The following CHD1L variants were observed in gnomAD, a reference collection of about 807,000 sequenced individuals.
CHD1L encodes ATP-dependent chromatin remodeler CHD1L.
A neutral mutation model predicts 115.9 loss-of-function variants in CHD1L; 118 were observed. The observed-to-expected ratio is 1.02, with a 90% CI of 0.88 to 1.19. CHD1L has a LOEUF of 1.19. Ranked by LOEUF, CHD1L falls within the 50% of genes most tolerant of loss-of-function variation. The pLI, the probability that CHD1L is intolerant of heterozygous loss-of-function variation, is 0.00. For synonymous variants in CHD1L, 411 were observed against 387.1 expected, an observed-to-expected ratio of 1.06 and a Z score of -0.72; for missense variants, 1,179 against 1,065.3, an observed-to-expected ratio of 1.11 and a Z score of -1.49.
intron 19 of CHD1L, among the ~76,000 whole-genome samples, chr1:147,288,609 A>T (rs1684318941): frequency 6.6e-6 from 1 of 152,170 alleles, no homozygotes; most frequent in Non-Finnish European, 1.5e-5. Flanking sequence ...TGAACCTGGG[A>T]GGTGGAGGTT....
At chr1:147,263,578 CCTT>C (rs1422543257) in intron 6 of CHD1L, among the ~76,000 whole-genome samples, 2 of 152,170 alleles carry the variant, frequency 1.3e-5, no homozygotes, top group African/African-American at 4.8e-5. Flanking sequence ...TTTTTCCTGA[CCTT>C]CTACTTCATG....
At chr1:147,220,966 G>T in the CHD1L span, among the ~76,000 whole-genome samples, 1 of 151,040 alleles carries the variant, frequency 6.6e-6, no homozygotes, top group African/African-American at 2.4e-5. Context: ...AAAACAGTGG[G>T]TATAATGTGG....
the CHD1L span, among the ~76,000 whole-genome samples, chr1:147,216,414 T>TAATA: frequency 0.037 from 5,591 of 152,140 alleles, 143 homozygotes; most frequent in South Asian, 0.095. Flanking sequence ...TAACACTGAG[T>TAATA]AATAGTCTTT....
At chr1:147,279,986 C>T in intron 14 of CHD1L, 40 bp from the exon 15 acceptor site, 3 of 1,608,336 alleles carry the variant, frequency 1.9e-6, no homozygotes, top group Non-Finnish European at 2.6e-6. Context: ...TGTTTCTTTT[C>T]ATGAGAATTT....
the CHD1L span, among the ~76,000 whole-genome samples, chr1:147,180,861 T>C: frequency 6.6e-6 from 1 of 152,206 alleles, no homozygotes; most frequent in African/African-American, 2.4e-5. Flanking sequence ...TGCAGATTGC[T>C]GGTCTGTGTA....
the CHD1L span, among the ~76,000 whole-genome samples, chr1:147,180,355 G>A: frequency 9.9e-5 from 15 of 151,982 alleles, no homozygotes; most frequent in African/African-American, 1.7e-4. Flanking sequence ...TCATTGGCGC[G>A]ATCTCAGCTC....
At chr1:147,282,120 C>G (rs1301355820) in intron 15 of CHD1L, among the ~76,000 whole-genome samples, 1 of 152,194 alleles carries the variant, frequency 6.6e-6, no homozygotes, top group African/African-American at 2.4e-5. Context: ...ATCACATGTG[C>G]TGATGAAGTG....
chr1:147,184,093 T>C, the CHD1L span, among the ~76,000 whole-genome samples: 1 of 152,206 alleles, frequency 6.6e-6, no homozygotes, highest in Non-Finnish European at 1.5e-5. This position sits in a 1 kb window ranked among gnomAD's most constrained non-coding sequence, Gnocchi z 4.4. Context: ...TAAAGCAACT[T>C]AATTTGTGGA....
the CHD1L span, chr1:147,216,077 T>G: frequency 1.6e-6 from 1 of 622,892 alleles, no homozygotes; most frequent in Non-Finnish European, 2.8e-6. Context: ...ATTTGTGCCC[T>G]TATGTAGTCC....
the CHD1L span, among the ~76,000 whole-genome samples, chr1:147,195,571 T>A: frequency 6.6e-6 from 1 of 152,150 alleles, no homozygotes; most frequent in Non-Finnish European, 1.5e-5. Flanking sequence ...TAAATTTAAG[T>A]AAGATGCACA....
the CHD1L span, among the ~76,000 whole-genome samples, chr1:147,231,301 A>G: frequency 2.0e-5 from 3 of 152,126 alleles, no homozygotes; most frequent in African/African-American, 7.2e-5. Context: ...TTCAGTTTCC[A>G]TGTAGTGGAG....
the CHD1L span, among the ~76,000 whole-genome samples, chr1:147,190,544 G>A: frequency 1.4e-3 from 207 of 152,234 alleles, 1 homozygote; most frequent in African/African-American, 4.7e-3. Context: ...ATATGGACAT[G>A]AGAAAATGGA....
the CHD1L span, among the ~76,000 whole-genome samples, chr1:147,213,782 G>A: frequency 6.6e-6 from 1 of 152,100 alleles, no homozygotes; most frequent in East Asian, 1.9e-4. Flanking sequence ...GGCTTCTCCT[G>A]TGCTTTTATG....
the CHD1L span, chr1:147,178,684 T>G: frequency 6.3e-7 from 1 of 1,575,766 alleles, no homozygotes; most frequent in Non-Finnish European, 8.7e-7. Context: ...GAATGTTGAG[T>G]CTCTGGTGAA....
chr1:147,267,573 A>G, intron 9 of CHD1L, 55 bp downstream of exon 9: 2 of 1,361,504 alleles, frequency 1.5e-6, no homozygotes, highest in Non-Finnish European at 1.0e-6. Context: ...TCTGTGGCCA[A>G]ATCATACCAA....
intron 2 of CHD1L, 25 bp from the exon 3 acceptor site, chr1:147,254,845 C>A: frequency 6.5e-7 from 1 of 1,534,220 alleles, no homozygotes; most frequent in Non-Finnish European, 8.9e-7. Flanking sequence ...GTGATCAAAA[C>A]TGCCTTTCTT....
At chr1:147,221,937 T>C in the CHD1L span, among the ~76,000 whole-genome samples, 3 of 152,218 alleles carry the variant, frequency 2.0e-5, no homozygotes, top group Admixed American at 6.5e-5. Flanking sequence ...GGTTAGTGAG[T>C]AGAAGAAAAA....
chr1:147,178,557 C>G, the CHD1L span: 1 of 1,610,068 alleles, frequency 6.2e-7, no homozygotes, highest in Non-Finnish European at 8.5e-7. Flanking sequence ...TTAAGAAATT[C>G]ATTAGTGATA....
upstream of CHD1L, among the ~76,000 whole-genome samples, chr1:147,239,751 G>T (rs72691012): frequency 6.6e-6 from 1 of 152,024 alleles, no homozygotes; most frequent in South Asian, 2.1e-4. Flanking sequence ...CTGGCTTATA[G>T]CTAGGACTCT....
Sources: allele counts gnomAD v4.1 joint callset (sites outside exome capture counted in the v4.1 genomes callset), GRCh38; gene constraint gnomAD v4.1.1; non-coding constraint Gnocchi (gnomAD v3.1); transcripts MANE v1.5; gene names NCBI Gene and HGNC (gene_info 2026-07-23, HGNC 2026-07-21).